The following MSI2 variants were observed in gnomAD, a reference collection of about 807,000 sequenced individuals.
The protein encoded by MSI2 is RNA-binding protein Musashi homolog 2.
MSI2 carries 17 observed loss-of-function variants against 45.6 expected under a neutral mutation model. The observed-to-expected ratio is 0.37, with a 90% CI of 0.26 to 0.56. The LOEUF (loss-of-function observed/expected upper bound fraction) is 0.56. Among genes scored for constraint, MSI2 ranks in the 20% least tolerant of loss-of-function variants. The pLI is 0.77. For missense variants in MSI2, 293 were observed against 444.2 expected, an observed-to-expected ratio of 0.66 and a Z score of 3.06; for synonymous variants, 156 against 158.2, an observed-to-expected ratio of 0.99 and a Z score of 0.11.
chr17:57,596,099 A>G lies in MSI2; in HGVS notation c.455-769A>G, dbSNP rs1242378940. The stretch of plus-strand genomic sequence containing the variant: ...TGAGTGGGGTCACAGATGGGGCCAC[A>G]TGCTGGAAACGCTGTCGGAGGCGGG... On this transcript the variant is annotated intron_variant, in intron 7 of 13. Coordinates refer to ENST00000284073, the MANE Select transcript of MSI2 (RefSeq NM_138962.4). The surrounding 1 kb of genome is among the most constrained non-coding windows in gnomAD (Gnocchi z 4.6). Among the ~76,000 whole-genome samples the G allele has an allele frequency of 1.3e-5, 2 of 152,204 alleles. No homozygotes were observed. Among genetic ancestry groups the G allele is most frequent in the African/African-American group, 4.8e-5 (2 of 41,454 alleles).
chr17:57,360,939 T>A (rs1269056461), intron 5 of MSI2, among the ~76,000 whole-genome samples: 3 of 152,244 alleles, frequency 2.0e-5, no homozygotes, highest in African/African-American at 7.2e-5. Context: ...TGTGAGCTGC[T>A]TAATTCTGAC....
rs374972054 is a variant in MSI2 at position 57,303,962 on chromosome 17, A to G, written c.312+41770A>G. On this transcript the variant is annotated intron_variant, in intron 5 of 13. Coordinates refer to ENST00000284073, the MANE Select transcript of MSI2 (RefSeq NM_138962.4). ...GTCCCTCAAGCATGGGAGGACCTGA[A>G]TTACTAGAGGGAGGAGGGAAGGGAG... Among the ~76,000 whole-genome samples, 677 of 152,288 alleles carry G rather than the reference A, an allele frequency of 4.4e-3. 7 individuals carry two copies. Among genetic ancestry groups the G allele is most frequent in the Middle Eastern group, 0.01 (3 of 294 alleles).
At chr17:57,396,944 G>A (rs898924417) in intron 5 of MSI2, among the ~76,000 whole-genome samples, 12 of 152,258 alleles carry the variant, frequency 7.9e-5, no homozygotes, top group South Asian at 2.1e-4. Flanking sequence ...CTCTAATGGT[G>A]GGAAGCACTC....
chr17:57,550,880 C>T (rs2087287792), intron 7 of MSI2, among the ~76,000 whole-genome samples: 1 of 152,180 alleles, frequency 6.6e-6, no homozygotes, highest in Non-Finnish European at 1.5e-5. Flanking sequence ...TGAATGAGAG[C>T]ACTGTGTTGG....
At chr17:57,311,613 A>G (rs1165404179) in intron 5 of MSI2, among the ~76,000 whole-genome samples, 1 of 152,104 alleles carries the variant, frequency 6.6e-6, no homozygotes, top group African/African-American at 2.4e-5. Flanking sequence ...TGCAGTATAT[A>G]CACATTGCTC....
intron 7 of MSI2, among the ~76,000 whole-genome samples, chr17:57,556,935 G>A (rs1490504194): frequency 6.6e-6 from 1 of 152,184 alleles, no homozygotes; most frequent in African/African-American, 2.4e-5. Flanking sequence ...AATGCATGCT[G>A]TCATGGCCAC....
chr17:57,422,601 C>T (rs758600335), intron 6 of MSI2, among the ~76,000 whole-genome samples: 1 of 152,316 alleles, frequency 6.6e-6, no homozygotes, highest in East Asian at 1.9e-4. Flanking sequence ...ACAGAGAGAG[C>T]GCTCAGTCCA....
intron 4 of MSI2, 99 bp downstream of exon 4, chr17:57,258,453 C>G: frequency 9.8e-7 from 1 of 1,024,074 alleles, no homozygotes; most frequent in Non-Finnish European, 1.5e-6. Context: ...TGCTTCTGTG[C>G]TAGAACTGGG....
chr17:57,419,184 TC>T (rs375696244), intron 6 of MSI2, among the ~76,000 whole-genome samples: 1 of 151,626 alleles, frequency 6.6e-6, no homozygotes, highest in Non-Finnish European at 1.5e-5. Context: ...ATGGAGGTTT[TC>T]TTTTTTTTTT....
intron 5 of MSI2, among the ~76,000 whole-genome samples, chr17:57,335,393 C>G (rs11655817): frequency 0.095 from 14,445 of 152,304 alleles, 747 homozygotes; most frequent in South Asian, 0.12. Context: ...TCTGGCCCAC[C>G]ACCCATTTTC....
At chr17:57,479,333 T>C (rs1479802685) in intron 6 of MSI2, among the ~76,000 whole-genome samples, 1 of 152,118 alleles carries the variant, frequency 6.6e-6, no homozygotes. Context: ...ATGGGAAAGG[T>C]TAGTTTGACC....
intron 5 of MSI2, among the ~76,000 whole-genome samples, chr17:57,342,977 C>T (rs1399001714): frequency 6.6e-6 from 1 of 152,158 alleles, no homozygotes; most frequent in East Asian, 1.9e-4. Context: ...TTAAAGAGTT[C>T]TGTGACATTT....
intron 5 of MSI2, among the ~76,000 whole-genome samples, chr17:57,268,928 G>A (rs926382182): frequency 1.3e-5 from 2 of 152,138 alleles, no homozygotes; most frequent in African/African-American, 4.8e-5. Flanking sequence ...TAGGTAGAGC[G>A]AATGAAAAAT....
chr17:57,488,522 A>T lies in MSI2; in HGVS notation c.406-41154A>T, dbSNP rs529424581. Reference sequence around the variant, plus strand: ...CTTTTCAGAGCCAGAAGTGCTGCTTAAAAATGTGTTCAGATCCTGGCCGGG... The same window carrying T: ...CTTTTCAGAGCCAGAAGTGCTGCTTTAAAATGTGTTCAGATCCTGGCCGGG... On this transcript the variant is annotated intron_variant, in intron 6 of 13. Coordinates refer to ENST00000284073, the MANE Select transcript of MSI2 (RefSeq NM_138962.4). Among the ~76,000 whole-genome samples the T allele has an allele frequency of 4.0e-5, 6 of 149,402 alleles. No individual in the cohort carries two copies. The South Asian group carries it at 1.0e-3, about 26-fold the overall frequency.
intron 7 of MSI2, among the ~76,000 whole-genome samples, chr17:57,533,586 A>C (rs367956928): frequency 6.6e-6 from 1 of 152,168 alleles, no homozygotes; most frequent in Non-Finnish European, 1.5e-5. Flanking sequence ...TGTTTTTGTG[A>C]CTAGGGGAGG....
intron 6 of MSI2, among the ~76,000 whole-genome samples, chr17:57,419,339 T>G (rs933527904): frequency 6.6e-6 from 1 of 151,120 alleles, no homozygotes; most frequent in Non-Finnish European, 1.5e-5. Flanking sequence ...GTAGAAAACT[T>G]GGGCTTTAAC....
intron 8 of MSI2, among the ~76,000 whole-genome samples, chr17:57,608,709 G>A (rs918851610): frequency 7.2e-5 from 11 of 152,204 alleles, no homozygotes; most frequent in Non-Finnish European, 1.0e-4. Flanking sequence ...GGCCCTGTTC[G>A]TTCTGCTGTG....
chr17:57,674,945 A>G (rs1422586312), intron 11 of MSI2, 27 bp from the exon 12 acceptor site: 3 of 1,612,024 alleles, frequency 1.9e-6, no homozygotes, highest in Non-Finnish European at 2.5e-6. Context: ...GCTCAACCGA[A>G]TTTTGGCGCG....
At chr17:57,629,618 C>CCG (rs1264851449) in intron 10 of MSI2, 2 of 152,240 alleles carry the variant, frequency 1.3e-5, no homozygotes, top group Admixed American at 6.5e-5. Flanking sequence ...AGGGCTGTTA[C>CCG]TGGGGGGTGC....
Sources: gnomAD v4.1 joint callset for allele counts (sites outside exome capture counted in the v4.1 genomes callset) on GRCh38, gnomAD v4.1.1 for gene constraint, Gnocchi (gnomAD v3.1) non-coding constraint, MANE v1.5 for transcripts, NCBI Gene and HGNC (gene_info 2026-07-23, HGNC 2026-07-21) for gene names.